SLC5A4: variants seen among roughly 807,000 people sequenced by gnomAD.
The protein encoded by SLC5A4 is probable glucose sensor protein SLC5A4.
A neutral mutation model predicts 70.3 loss-of-function variants in SLC5A4; 55 were observed. The ratio of observed to expected loss-of-function variants is 0.78; its 90% CI spans 0.63 to 0.98. The LOEUF (loss-of-function observed/expected upper bound fraction) is 0.98. Among genes scored for constraint, SLC5A4 ranks in the 50% least tolerant of loss-of-function variants. The pLI, the probability that SLC5A4 is intolerant of heterozygous loss-of-function variation, is 0.00. For synonymous variants in SLC5A4, 268 were observed against 305.7 expected, an observed-to-expected ratio of 0.88 and a Z score of 1.29; for missense variants, 735 against 839.2, an observed-to-expected ratio of 0.88 and a Z score of 1.53.
At chr22:32,348,228 A>G in the SLC5A4 span, among the ~76,000 whole-genome samples, 1 of 152,242 alleles carries the variant, frequency 6.6e-6, no homozygotes, top group Admixed American at 6.5e-5. Flanking sequence ...GACACGCAGT[A>G]GAAACACAGA....
chr22:32,307,803 A>G, the SLC5A4 span, among the ~76,000 whole-genome samples: 1 of 152,208 alleles, frequency 6.6e-6, no homozygotes, highest in Non-Finnish European at 1.5e-5. Context: ...TGGACTGCAA[A>G]GGGCAGTGAT....
At chr22:32,266,290 A>G in the SLC5A4 span, among the ~76,000 whole-genome samples, 1 of 152,350 alleles carries the variant, frequency 6.6e-6, no homozygotes, top group Non-Finnish European at 1.5e-5. Flanking sequence ...TTCAGAAAGT[A>G]GAACGGGGAC....
chr22:32,270,396 C>T, the SLC5A4 span: 93 of 1,448,746 alleles, frequency 6.4e-5, no homozygotes, highest in Admixed American at 1.3e-3. Flanking sequence ...TTGAGCTTCC[C>T]GGCTGCTACG....
At chr22:32,300,007 C>T in the SLC5A4 span, among the ~76,000 whole-genome samples, 1 of 134,212 alleles carries the variant, frequency 7.5e-6, no homozygotes, top group African/African-American at 2.8e-5. Context: ...AGGCAGTCTG[C>T]CCGTTCTCAG....
the SLC5A4 span, among the ~76,000 whole-genome samples, chr22:32,353,975 C>T: frequency 1.3e-5 from 2 of 150,284 alleles, no homozygotes; most frequent in South Asian, 2.1e-4. Context: ...TCCCTGCCTC[C>T]GGCAGTACAG....
At chr22:32,311,941 G>T in the SLC5A4 span, among the ~76,000 whole-genome samples, 1 of 152,100 alleles carries the variant, frequency 6.6e-6, no homozygotes, top group Non-Finnish European at 1.5e-5. Context: ...GTCAAACGAG[G>T]GGTTGGTCTC....
the SLC5A4 span, among the ~76,000 whole-genome samples, chr22:32,306,548 G>A: frequency 5.3e-5 from 8 of 151,570 alleles, no homozygotes; most frequent in Admixed American, 2.0e-4. Context: ...TTACACTCCA[G>A]TATTATTAGG....
chr22:32,224,434 T>C lies in SLC5A4; in HGVS notation c.1498A>G (p.Met500Val), dbSNP rs1199832146. ...MVGLAMGLIR[M>V]ITEFAYGTGS... The stretch of plus-strand genomic sequence containing the variant: ...GTTCCATAAGCAAACTCTGTTATCA[T>C]ACGAATGAGGCCCATTGCAAGTCCA... Residue 500 changes from methionine to valine, a missense_variant, in exon 13 of 15, where the codon ATG becomes GTG. Coordinates refer to ENST00000266086, the MANE Select transcript of SLC5A4 (RefSeq NM_014227.3). The C allele has an allele frequency of 1.2e-6, 2 of 1,613,870 alleles. No homozygotes were observed. The highest frequency in any genetic ancestry group is 1.7e-6 in the Non-Finnish European group (2 of 1,179,932).
At chr22:32,346,907 G>C in the SLC5A4 span, among the ~76,000 whole-genome samples, 91 of 151,020 alleles carry the variant, frequency 6.0e-4, 1 homozygote, top group Non-Finnish European at 1.2e-3. Flanking sequence ...TACCATCAGA[G>C]TGAACAGGCA....
the SLC5A4 span, among the ~76,000 whole-genome samples, chr22:32,345,966 A>G: frequency 6.6e-6 from 1 of 152,232 alleles, no homozygotes; most frequent in Admixed American, 6.5e-5. Flanking sequence ...AGGCTAAAAC[A>G]TTAGTCATCT....
At chr22:32,249,716 C>T (rs1927033223) in intron 3 of SLC5A4, among the ~76,000 whole-genome samples, 2 of 152,204 alleles carry the variant, frequency 1.3e-5, no homozygotes, top group Non-Finnish European at 2.9e-5. Flanking sequence ...CATGCATGTA[C>T]ATGAAAACAC....
At chr22:32,259,362 C>A (rs1927640358), upstream of SLC5A4, among the ~76,000 whole-genome samples, 1 of 152,176 alleles carries the variant, frequency 6.6e-6, no homozygotes, top group Non-Finnish European at 1.5e-5. Context: ...ATAGGGTTTT[C>A]ATATGTGGCT....
chr22:32,327,128 CAA>C, the SLC5A4 span: 1 of 152,352 alleles, frequency 6.6e-6, no homozygotes, highest in South Asian at 2.1e-4. Flanking sequence ...ACATAATACC[CAA>C]GAGAGATGTG....
chr22:32,257,462 C>G (rs370206978), upstream of SLC5A4, among the ~76,000 whole-genome samples: 641 of 152,190 alleles, frequency 4.2e-3, 8 homozygotes, highest in African/African-American at 0.015. Flanking sequence ...TCAAGTGATC[C>G]TCCCATCTCA....
chr22:32,334,501 CCCGGGCCTCCCT>C, the SLC5A4 span, among the ~76,000 whole-genome samples: 1 of 152,212 alleles, frequency 6.6e-6, no homozygotes, highest in Non-Finnish European at 1.5e-5. Flanking sequence ...ATGGCCTCCC[CCCGGGCCTCCCT>C]GCCTCCATTC....
chr22:32,314,962 T>C, the SLC5A4 span, among the ~76,000 whole-genome samples: 1 of 152,314 alleles, frequency 6.6e-6, no homozygotes, highest in South Asian at 2.1e-4. Context: ...CACATGGGAA[T>C]TGTGGGAGTT....
chr22:32,301,146 AG>A, the SLC5A4 span, among the ~76,000 whole-genome samples: 1 of 152,160 alleles, frequency 6.6e-6, no homozygotes, highest in African/African-American at 2.4e-5. Context: ...TATTTTTAGT[AG>A]AGACGGGGTT....
At chr22:32,277,297 C>T in the SLC5A4 span, 1 of 152,144 alleles carries the variant, frequency 6.6e-6, no homozygotes, top group Non-Finnish European at 1.5e-5. Context: ...CTTAAGTCAA[C>T]CTCTGAGTGT....
At chr22:32,308,959 TAG>T in the SLC5A4 span, among the ~76,000 whole-genome samples, 1 of 152,118 alleles carries the variant, frequency 6.6e-6, no homozygotes, top group Non-Finnish European at 1.5e-5. Flanking sequence ...CCTACCTACC[TAG>T]ACAGTCTCAC....
Sources: allele counts gnomAD v4.1 joint callset (sites outside exome capture counted in the v4.1 genomes callset), GRCh38; gene constraint gnomAD v4.1.1; transcripts MANE v1.5; gene names NCBI Gene and HGNC (gene_info 2026-07-23, HGNC 2026-07-21).